CCNY: variants seen among roughly 807,000 people sequenced by gnomAD.
CCNY encodes the protein cyclin Y.
In CCNY, 19 loss-of-function variants were observed where a neutral mutation model predicts 42.8. That is an observed-to-expected ratio of 0.44 (90% confidence interval 0.31 to 0.65). The LOEUF (loss-of-function observed/expected upper bound fraction) is 0.65, where lower values mean the gene tolerates loss of function less well. CCNY is among the 30% of genes least tolerant of loss of function. CCNY has a pLI of 0.07. For missense variants in CCNY, 370 were observed against 437.3 expected, an observed-to-expected ratio of 0.85 and a Z score of 1.37; for synonymous variants, 165 against 162.7, an observed-to-expected ratio of 1.01 and a Z score of -0.11.
At chr10:35,273,046 T>C (rs1039869914) in intron 3 of CCNY, among the ~76,000 whole-genome samples, 2 of 152,088 alleles carry the variant, frequency 1.3e-5, no homozygotes, top group African/African-American at 4.8e-5. Flanking sequence ...TTTCACATGC[T>C]TGTTACAAAT....
chr10:35,320,301 C>A (rs1373847122), intron 3 of CCNY, among the ~76,000 whole-genome samples: 1 of 152,164 alleles, frequency 6.6e-6, no homozygotes, highest in Non-Finnish European at 1.5e-5. Flanking sequence ...CCCAAGAATG[C>A]AAGCTTGTTT....
rs11010209 is a variant in CCNY at position 35,485,105 on chromosome 10, A to C, written c.229+1627A>C. Among the ~76,000 whole-genome samples the C allele has an allele frequency of 1.2e-3, 188 of 152,382 alleles. 1 individual carries two copies. The East Asian group carries it at 0.032, about 26-fold the overall frequency. On this transcript the variant is annotated intron_variant, in intron 2 of 9. Transcript: ENST00000374704. ...ATCTTTCTACTCAACATGTAAACATAAATGAGTCTCATAGAAAAAGGGAAA... is the reference window on the plus strand; with the variant it reads ...ATCTTTCTACTCAACATGTAAACATCAATGAGTCTCATAGAAAAAGGGAAA...
intron 3 of CCNY, among the ~76,000 whole-genome samples, chr10:35,286,703 A>G (rs1431772843): frequency 8.2e-6 from 1 of 122,414 alleles, no homozygotes; most frequent in African/African-American, 3.3e-5. Flanking sequence ...TCTGTTGCCC[A>G]TGCTGGAGGG....
At chr10:35,464,297 C>T (rs956737394) in intron 1 of CCNY, among the ~76,000 whole-genome samples, 1 of 152,218 alleles carries the variant, frequency 6.6e-6, no homozygotes, top group Non-Finnish European at 1.5e-5. Flanking sequence ...ATCCCGTCTC[C>T]TCCAGATCTT....
intron 1 of CCNY, chr10:35,347,475 T>C (rs945751839): frequency 1.0e-6 from 1 of 971,244 alleles, no homozygotes; most frequent in Non-Finnish European, 1.2e-6. Context: ...CTATGTAATA[T>C]AGCTATATGT....
intron 1 of CCNY, among the ~76,000 whole-genome samples, chr10:35,377,906 C>G (rs1837090290): frequency 6.6e-6 from 1 of 152,158 alleles, no homozygotes; most frequent in Non-Finnish European, 1.5e-5. Flanking sequence ...CTGTGTCAGT[C>G]TTTTGTGCTA....
chr10:35,256,588 T>C (rs1353849895), intron 3 of CCNY, among the ~76,000 whole-genome samples: 2 of 151,762 alleles, frequency 1.3e-5, no homozygotes, highest in East Asian at 1.9e-4. Flanking sequence ...AAAAATTAGC[T>C]GGGTGTGGTG....
At chr10:35,401,838 G>T (rs923248469) in intron 1 of CCNY, among the ~76,000 whole-genome samples, 4 of 152,124 alleles carry the variant, frequency 2.6e-5, no homozygotes, top group Non-Finnish European at 2.9e-5. Flanking sequence ...CCTTCTTAAG[G>T]GTTGGGGAGA....
chr10:35,433,758 CG>C (rs1198787523), intron 1 of CCNY, among the ~76,000 whole-genome samples: 3 of 152,124 alleles, frequency 2.0e-5, no homozygotes, highest in African/African-American at 4.8e-5. Context: ...ACCACAGGCA[CG>C]TGCCACCATG....
chr10:35,542,502 G>C (rs1205641998), intron 7 of CCNY, among the ~76,000 whole-genome samples: 2 of 152,070 alleles, frequency 1.3e-5, no homozygotes, highest in Non-Finnish European at 2.9e-5. Flanking sequence ...CAAACCACAC[G>C]TATGCAGGCA....
chr10:35,282,200 C>A (rs2135054657), intron 3 of CCNY, among the ~76,000 whole-genome samples: 1 of 149,402 alleles, frequency 6.7e-6, no homozygotes, highest in East Asian at 2.0e-4. Flanking sequence ...TAACTCACTG[C>A]AGCCTCAAAC....
intron 1 of CCNY, among the ~76,000 whole-genome samples, chr10:35,338,585 C>A (rs1008131152): frequency 6.6e-6 from 1 of 151,992 alleles, no homozygotes; most frequent in African/African-American, 2.4e-5. Flanking sequence ...GCCTCTAGCA[C>A]CTGAAAGAAA....
chr10:35,447,826 A>G (rs1451959393), intron 1 of CCNY, among the ~76,000 whole-genome samples: 1 of 152,196 alleles, frequency 6.6e-6, no homozygotes, highest in East Asian at 1.9e-4. Flanking sequence ...AATTTGAAAC[A>G]CGTGGCTGTA....
chr10:35,374,272 T>A (rs1837002751), intron 1 of CCNY, among the ~76,000 whole-genome samples: 1 of 152,222 alleles, frequency 6.6e-6, no homozygotes, highest in African/African-American at 2.4e-5. Flanking sequence ...GGTTAATTTT[T>A]TTTATTAATT....
chr10:35,305,139 C>G (rs1835591660), intron 3 of CCNY, among the ~76,000 whole-genome samples: 1 of 152,146 alleles, frequency 6.6e-6, no homozygotes, highest in Admixed American at 6.5e-5. Flanking sequence ...AGGTTATGGC[C>G]ACGTGTCCTT....
At chr10:35,337,542 G>T (rs542956303) in intron 1 of CCNY, among the ~76,000 whole-genome samples, 1 of 152,350 alleles carries the variant, frequency 6.6e-6, no homozygotes, top group South Asian at 2.1e-4. Context: ...CGGCCCGGGA[G>T]CTCGGGGTTC....
At chr10:35,551,502 AT>A (rs1303462595) in intron 7 of CCNY, among the ~76,000 whole-genome samples, 3 of 152,232 alleles carry the variant, frequency 2.0e-5, no homozygotes, top group African/African-American at 7.2e-5. Context: ...GTTCTTAAAA[AT>A]AGCATGGATG....
chr10:35,506,159 AAAG>A (rs759596321), intron 3 of CCNY, among the ~76,000 whole-genome samples: 79 of 152,258 alleles, frequency 5.2e-4, no homozygotes, highest in Non-Finnish European at 1.0e-3. Context: ...GGAGGATGTG[AAAG>A]AAGACTAAGT....
intron 3 of CCNY, among the ~76,000 whole-genome samples, chr10:35,278,211 A>G (rs574575170): frequency 6.6e-6 from 1 of 152,214 alleles, no homozygotes; most frequent in African/African-American, 2.4e-5. Flanking sequence ...GGGACTGTCA[A>G]GAGCTCAAAA....
Sources: gnomAD v4.1 joint callset for allele counts (sites outside exome capture counted in the v4.1 genomes callset) on GRCh38, gnomAD v4.1.1 for gene constraint, MANE v1.5 for transcripts, NCBI Gene and HGNC (gene_info 2026-07-23, HGNC 2026-07-21) for gene names.